The following ST3GAL3 variants were observed in gnomAD, a reference collection of about 807,000 sequenced individuals.
ST3GAL3 encodes CMP-N-acetylneuraminate-beta-1,4-galactoside alpha-2,3-sialyltransferase.
Under a neutral mutation model 50.1 loss-of-function variants are expected in ST3GAL3, and 21 were observed. That is an observed-to-expected ratio of 0.42 (90% CI 0.30 to 0.60). The LOEUF (loss-of-function observed/expected upper bound fraction) is 0.60, where lower values mean the gene tolerates loss of function less well. Among genes scored for constraint, ST3GAL3 ranks in the 20% least tolerant of loss-of-function variants. The pLI is 0.19. For synonymous variants in ST3GAL3, 183 were observed against 190.0 expected, an observed-to-expected ratio of 0.96 and a Z score of 0.30; for missense variants, 353 against 489.4, an observed-to-expected ratio of 0.72 and a Z score of 2.63.
At chr1:43,797,335 G>T (rs2058793357) in intron 3 of ST3GAL3, among the ~76,000 whole-genome samples, 1 of 152,142 alleles carries the variant, frequency 6.6e-6, no homozygotes, top group African/African-American at 2.4e-5. Context: ...TCTTTTAAAA[G>T]TTGAACAGAG....
Position 43,750,157 on chromosome 1 carries a change from C to A in ST3GAL3, c.118+13777C>A, listed in dbSNP as rs2367725. 5.8e-3 allele frequency among the ~76,000 whole-genome samples: 889 copies of A among 152,184 alleles called. 8 individuals carry two copies. The highest frequency in any genetic ancestry group is 0.02 in the African/African-American group (849 of 41,554). ...AAAACCTCAGTGAAATGCCACTTCA[C>A]ACCCATTAGAATTGCTGAAATTTAA... On this transcript the variant is annotated intron_variant, in intron 2 of 11. Transcript: ENST00000347631.
intron 9 of ST3GAL3, among the ~76,000 whole-genome samples, chr1:43,903,666 G>A (rs1409762350): frequency 6.6e-6 from 1 of 152,194 alleles, no homozygotes; most frequent in Non-Finnish European, 1.5e-5. Context: ...CCTGGGAGGA[G>A]AGGGAGGAGG....
chr1:43,812,671 C>A (rs771749881), intron 3 of ST3GAL3, among the ~76,000 whole-genome samples: 1 of 152,162 alleles, frequency 6.6e-6, no homozygotes, highest in Non-Finnish European at 1.5e-5. Context: ...CATTATGCTA[C>A]CGAGGCTTAT....
intron 5 of ST3GAL3, among the ~76,000 whole-genome samples, chr1:43,865,541 G>T (rs2071127820): frequency 6.6e-6 from 1 of 152,152 alleles, no homozygotes; most frequent in Admixed American, 6.5e-5. Context: ...TACTAAGGAT[G>T]AAAAGTAATA....
intron 7 of ST3GAL3, chr1:43,898,580 G>A: frequency 3.8e-6 from 2 of 523,606 alleles, no homozygotes; most frequent in South Asian, 2.0e-5. Context: ...CCCAGCAATG[G>A]GACTGAGGGC....
At chr1:43,759,065 G>GCACACACACACACACA (rs1553285693) in intron 2 of ST3GAL3, among the ~76,000 whole-genome samples, 5 of 75,450 alleles carry the variant, frequency 6.6e-5, no homozygotes, top group African/African-American at 2.0e-4. Flanking sequence ...AAAAGCGCGC[G>GCACACACACACACACA]CACACACACA....
At chr1:43,890,612 G>A (rs915640718) in intron 5 of ST3GAL3, among the ~76,000 whole-genome samples, 2 of 152,188 alleles carry the variant, frequency 1.3e-5, no homozygotes, top group Admixed American at 6.5e-5. Context: ...GGTGGCTCAC[G>A]CCTATAATCT....
chr1:43,711,815 AAAATAAAAGTT>A (rs2154057252), intron 1 of ST3GAL3, among the ~76,000 whole-genome samples: 1 of 152,360 alleles, frequency 6.6e-6, no homozygotes, highest in African/African-American at 2.4e-5. Flanking sequence ...GAGATAGCAA[AAAATAAAAGTT>A]AAATTATATT....
At chr1:43,870,203 G>C (rs2072331848) in intron 5 of ST3GAL3, among the ~76,000 whole-genome samples, 1 of 152,234 alleles carries the variant, frequency 6.6e-6, no homozygotes, top group African/African-American at 2.4e-5. Flanking sequence ...TACTTCAAAT[G>C]AATTTTGTGA....
intron 5 of ST3GAL3, among the ~76,000 whole-genome samples, chr1:43,881,591 C>T (rs1297109577): frequency 6.6e-6 from 1 of 152,214 alleles, no homozygotes; most frequent in Non-Finnish European, 1.5e-5. Flanking sequence ...TCAGCAGAGT[C>T]AGTGGGAGCC....
intron 2 of ST3GAL3, among the ~76,000 whole-genome samples, chr1:43,763,001 G>T (rs1691128158): frequency 6.6e-6 from 1 of 152,170 alleles, no homozygotes; most frequent in South Asian, 2.1e-4. Context: ...CCTTGCCCTT[G>T]GACCCAGCAT....
Position 43,771,342 on chromosome 1 carries a change from C to T in ST3GAL3, c.119-20760C>T, listed in dbSNP as rs147823968. On this transcript the variant is annotated intron_variant, in intron 2 of 11. Transcript: ENST00000347631. ...TTGGAAATCATTATATTTAAATAAG[C>T]GAGACTGTTGGGCGACTTTTTGTTT... is the stretch of plus-strand genomic sequence containing the variant. 4.8e-3 allele frequency among the ~76,000 whole-genome samples: 726 copies of T among 150,360 alleles called. 3 individuals are homozygous for T. The highest frequency in any genetic ancestry group is 7.8e-3 in the Non-Finnish European group (528 of 67,784).
At chr1:43,924,836 A>G (rs919830825) in intron 11 of ST3GAL3, among the ~76,000 whole-genome samples, 1 of 152,226 alleles carries the variant, frequency 6.6e-6, no homozygotes, top group African/African-American at 2.4e-5. Context: ...TGGTGCAGGA[A>G]TGAGGTAGGG....
chr1:43,841,875 A>C (rs1208057794), intron 5 of ST3GAL3: 2 of 152,182 alleles, frequency 1.3e-5, no homozygotes, highest in African/African-American at 4.8e-5. Context: ...TTAAATATAA[A>C]TTCCAACTTT....
intron 2 of ST3GAL3, among the ~76,000 whole-genome samples, chr1:43,746,200 G>A (rs1190538355): frequency 6.6e-6 from 1 of 152,170 alleles, no homozygotes; most frequent in Non-Finnish European, 1.5e-5. Flanking sequence ...GACCTTGAAG[G>A]CATCATGTTA....
At chr1:43,800,560 T>C (rs764468246) in intron 3 of ST3GAL3, among the ~76,000 whole-genome samples, 15 of 152,196 alleles carry the variant, frequency 9.9e-5, no homozygotes, top group Non-Finnish European at 1.9e-4. Context: ...CTGAGAGTCA[T>C]TGTGGGCATA....
At chr1:43,875,950 C>A (rs10890284) in intron 5 of ST3GAL3, among the ~76,000 whole-genome samples, 22,930 of 73,368 alleles carry the variant, frequency 0.31, 2,637 homozygotes, top group African/African-American at 0.44. Flanking sequence ...TCTTCTTCTT[C>A]TTATTATTAT....
intron 1 of ST3GAL3, among the ~76,000 whole-genome samples, chr1:43,717,386 A>G (rs1667899453): frequency 6.6e-6 from 1 of 152,256 alleles, no homozygotes; most frequent in Non-Finnish European, 1.5e-5. Flanking sequence ...CTGAAAAAAT[A>G]CATGAGCAGA....
chr1:43,714,772 T>C (rs1018805152), intron 1 of ST3GAL3, among the ~76,000 whole-genome samples: 5 of 152,234 alleles, frequency 3.3e-5, no homozygotes, highest in African/African-American at 1.2e-4. Context: ...TGCTGACTTC[T>C]TCCCCCTGAA....
Sources: allele counts gnomAD v4.1 joint callset (sites outside exome capture counted in the v4.1 genomes callset), GRCh38; gene constraint gnomAD v4.1.1; transcripts MANE v1.5; gene names NCBI Gene and HGNC (gene_info 2026-07-23, HGNC 2026-07-21).